PALM2AKAP2: variants seen among roughly 807,000 people sequenced by gnomAD.
PALM2AKAP2 encodes PALM2-AKAP2 fusion protein.
A neutral mutation model predicts 71.5 loss-of-function variants in PALM2AKAP2; 37 were observed. The ratio of observed to expected loss-of-function variants is 0.52; its 90% CI spans 0.40 to 0.68. PALM2AKAP2 has a LOEUF of 0.68. Ranked by LOEUF, PALM2AKAP2 falls within the 30% of genes least tolerant of loss-of-function variation. The pLI is 0.00. For missense variants in PALM2AKAP2, 1,224 were observed against 1,191.8 expected (o/e 1.03, Z -0.40); for synonymous variants, 468 against 478.8 (o/e 0.98, Z 0.29).
chr9:110,131,211 A>G (rs1455764987), intron 1 of PALM2AKAP2, among the ~76,000 whole-genome samples: 1 of 152,016 alleles, frequency 6.6e-6, no homozygotes, highest in Non-Finnish European at 1.5e-5. Flanking sequence ...TAACTATTCT[A>G]GAATTTAGTG....
intron 6 of PALM2AKAP2, among the ~76,000 whole-genome samples, chr9:109,952,881 T>C (rs1489615769): frequency 6.6e-6 from 1 of 152,166 alleles, no homozygotes; most frequent in African/African-American, 2.4e-5. Flanking sequence ...AGTGTTGTTG[T>C]GAAGTTAAAG....
intron 1 of PALM2AKAP2, among the ~76,000 whole-genome samples, chr9:110,120,506 CTGCCCTT>C (rs978456513): frequency 6.6e-6 from 1 of 152,180 alleles, no homozygotes; most frequent in African/African-American, 2.4e-5. Flanking sequence ...CTCTGAAAGC[CTGCCCTT>C]TGTTTTTGAG....
intron 3 of PALM2AKAP2, among the ~76,000 whole-genome samples, chr9:109,903,434 A>G (rs964583525): frequency 6.6e-6 from 1 of 152,148 alleles, no homozygotes; most frequent in South Asian, 2.1e-4. Context: ...GATGGTTCAC[A>G]TAGGCCCACT....
chr9:109,948,842 T>G (rs1037833807), intron 6 of PALM2AKAP2, among the ~76,000 whole-genome samples: 19 of 152,262 alleles, frequency 1.2e-4, no homozygotes, highest in African/African-American at 4.1e-4. Context: ...TATATATGTT[T>G]ACAGAATGTA....
upstream of PALM2AKAP2, among the ~76,000 whole-genome samples, chr9:109,779,162 C>T (rs1378309115): frequency 6.6e-6 from 1 of 152,124 alleles, no homozygotes; most frequent in Non-Finnish European, 1.5e-5. Flanking sequence ...GATGAAGAAA[C>T]GTTTGCATAT....
At chr9:109,956,433 G>A (rs1443602076) in intron 6 of PALM2AKAP2, among the ~76,000 whole-genome samples, 1 of 152,170 alleles carries the variant, frequency 6.6e-6, no homozygotes, top group East Asian at 1.9e-4. Context: ...GTCAACCTCA[G>A]ACAACCTGAA....
chr9:109,895,283 G>A (rs1025499381), intron 3 of PALM2AKAP2, among the ~76,000 whole-genome samples: 2 of 152,220 alleles, frequency 1.3e-5, no homozygotes, highest in African/African-American at 4.8e-5. Flanking sequence ...TCCATGCAGT[G>A]GAGTCTGCTG....
chr9:109,757,036 C>T (rs1828973799), intron 1 of PALM2AKAP2, among the ~76,000 whole-genome samples: 1 of 152,002 alleles, frequency 6.6e-6, no homozygotes, highest in Admixed American at 6.6e-5. Flanking sequence ...CATAAGTGAC[C>T]TATTCTGCTA....
rs937478682 is a variant in PALM2AKAP2, at chr9:109,650,766, T to C, written c.5+9900T>C. Among the ~76,000 whole-genome samples the C allele has an allele frequency of 3.3e-5, 5 of 152,172 alleles. No homozygotes were observed. The South Asian group carries it at 6.2e-4, about 19-fold the overall frequency. On this transcript the variant is annotated intron_variant, in intron 1 of 6. Coordinates refer to the PALM2AKAP2 transcript ENST00000374531. Reference sequence around the variant, plus strand: ...TTTTCCTTCCAATTTTTCCTTCTTTTAGTTCATTTCAGCGGCTTTGAGGGA... The same window carrying C: ...TTTTCCTTCCAATTTTTCCTTCTTTCAGTTCATTTCAGCGGCTTTGAGGGA...
intron 1 of PALM2AKAP2, among the ~76,000 whole-genome samples, chr9:110,055,229 C>G (rs529770785): frequency 6.7e-6 from 1 of 149,652 alleles, no homozygotes; most frequent in Non-Finnish European, 1.5e-5. Context: ...GAGTTTTGCT[C>G]TTGTTGCCCA....
At chr9:110,116,375 CGT>C (rs983386918) in intron 1 of PALM2AKAP2, among the ~76,000 whole-genome samples, 35 of 151,054 alleles carry the variant, frequency 2.3e-4, no homozygotes, top group South Asian at 8.4e-4. Context: ...TGTGTGTGTG[CGT>C]GTGTGTGTGT....
chr9:109,942,526 C>A (rs1831396379), intron 6 of PALM2AKAP2, among the ~76,000 whole-genome samples: 1 of 152,210 alleles, frequency 6.6e-6, no homozygotes, highest in African/African-American at 2.4e-5. Flanking sequence ...ACAGATATAA[C>A]CATCTTTATT....
chr9:110,144,739 A>G (rs893824568), intron 2 of PALM2AKAP2, among the ~76,000 whole-genome samples: 4 of 152,236 alleles, frequency 2.6e-5, no homozygotes, highest in African/African-American at 9.6e-5. Context: ...GGAGACCTTC[A>G]TGTCAGCTCA....
At chr9:109,943,551 T>G in intron 6 of PALM2AKAP2, 1 of 1,316,722 alleles carries the variant, frequency 7.6e-7, no homozygotes, top group Non-Finnish European at 1.0e-6. Flanking sequence ...GCAGTTGAAT[T>G]GCTTTGATCT....
At chr9:110,045,245 A>G (rs1833576340), upstream of PALM2AKAP2, among the ~76,000 whole-genome samples, 1 of 152,246 alleles carries the variant, frequency 6.6e-6, no homozygotes, top group African/African-American at 2.4e-5. Flanking sequence ...TGTAACATTT[A>G]CACGTTCGAG....
intron 7 of PALM2AKAP2, among the ~76,000 whole-genome samples, chr9:110,016,340 A>G (rs574221833): frequency 6.6e-6 from 1 of 152,094 alleles, no homozygotes; most frequent in Non-Finnish European, 1.5e-5. Flanking sequence ...TAGGGTCTTC[A>G]GTGAATATCT....
At position 109,962,102 on chromosome 9, in the gene PALM2AKAP2, G is replaced by A. The variant is rs149952433; in HGVS notation, c.496+30074G>A. On this transcript the variant is annotated intron_variant, in intron 6 of 9. Coordinates refer to the PALM2AKAP2 transcript ENST00000302798. Reference sequence around the variant, plus strand: ...CCAACAACAGCCAAGAAGCATACCCGAGACTGTGCAGGTGCTGCCCAAGTC... The same window carrying A: ...CCAACAACAGCCAAGAAGCATACCCAAGACTGTGCAGGTGCTGCCCAAGTC... Among the ~76,000 whole-genome samples the A allele has an allele frequency of 9.2e-3, 1,395 of 152,316 alleles. 65 individuals are homozygous for A. The highest frequency in any genetic ancestry group is 0.084 in the Admixed American group (1,288 of 15,304).
chr9:110,009,392 T>C (rs1832837671), intron 6 of PALM2AKAP2, among the ~76,000 whole-genome samples: 1 of 152,116 alleles, frequency 6.6e-6, no homozygotes, highest in Non-Finnish European at 1.5e-5. Context: ...CCTTCATTGT[T>C]TACTGTTACA....
chr9:109,965,301 A>G (rs1011373703), intron 6 of PALM2AKAP2, among the ~76,000 whole-genome samples: 2 of 152,382 alleles, frequency 1.3e-5, no homozygotes, highest in South Asian at 2.1e-4. Context: ...TCACAGCAGC[A>G]TTATTTCCAA....
Sources: gnomAD v4.1 joint callset for allele counts (sites outside exome capture counted in the v4.1 genomes callset) on GRCh38, gnomAD v4.1.1 for gene constraint, MANE v1.5 for transcripts, NCBI Gene and HGNC (gene_info 2026-07-23, HGNC 2026-07-21) for gene names.